CSMD3: variants seen among roughly 807,000 people sequenced by gnomAD.
CSMD3 encodes CUB and sushi domain-containing protein 3.
In CSMD3, 177 loss-of-function variants were observed where a neutral mutation model predicts 435.2. The observed-to-expected ratio is 0.41, with a 90% CI of 0.36 to 0.46. The LOEUF (loss-of-function observed/expected upper bound fraction) is 0.46. Among genes scored for constraint, CSMD3 ranks in the 20% least tolerant of loss-of-function variants. The pLI, the probability that CSMD3 is intolerant of heterozygous loss-of-function variation, is 0.34. For missense variants in CSMD3, 4,265 were observed against 4,504.6 expected (o/e 0.95, Z 1.52); for synonymous variants, 1,656 against 1,520.5 (o/e 1.09, Z -2.07).
Position 112,237,250 on chromosome 8 carries a change from C to A in CSMD3, c.10567G>T (p.Ala3523Ser). 6.2e-7 allele frequency: 1 copy of A among 1,613,494 alleles called. No individual in the cohort carries two copies. The highest frequency in any genetic ancestry group is 8.5e-7 in the Non-Finnish European group (1 of 1,179,544). The change falls in exon 67 of 71, where the codon GCT (alanine) becomes TCT (serine). Residue 3523 changes from alanine to serine, a missense_variant. Physicochemically the swap from Ala to Ser is moderately conservative, Grantham distance 99 (BLOSUM62 1). Coordinates refer to ENST00000297405, the MANE Select transcript of CSMD3 (RefSeq NM_198123.2). ...PMTLTVTSFN[A>S]STGRVNATLS... ...GTTGCGTTAACTCTCCCAGTGGAAGCATTGAAACTAGTAACTGTTAAGGTC... is the reference window on the plus strand; with the variant it reads ...GTTGCGTTAACTCTCCCAGTGGAAGAATTGAAACTAGTAACTGTTAAGGTC...
chr8:112,810,634 T>A (rs754551883), intron 12 of CSMD3, among the ~76,000 whole-genome samples: 6 of 152,182 alleles, frequency 3.9e-5, no homozygotes, highest in Non-Finnish European at 7.4e-5. Context: ...GTTCAATCTG[T>A]ACCCTTAAGA....
Position 112,543,251 on chromosome 8 carries a change from A to C in CSMD3, c.4564+7420T>G, listed in dbSNP as rs574024801. 7.9e-5 allele frequency among the ~76,000 whole-genome samples: 12 copies of C among 152,326 alleles called. No individual in the cohort carries two copies. In the East Asian group the frequency reaches 2.3e-3, roughly 29 times the overall value. On this transcript the variant is annotated intron_variant, in intron 27 of 70. Transcript: ENST00000297405. ...ATAGGTGACGAAAGCAAAAATAAAC[A>C]AGCAGGAATACATCCAACTTAAAAG...
Position 112,793,346 on chromosome 8 carries a change from CATTA to C in CSMD3, c.1972+6812_1972+6815del. Among the ~76,000 whole-genome samples, 2 of 151,236 alleles carry C rather than the reference CATTA, an allele frequency of 1.3e-5. 1 individual carries two copies. Among genetic ancestry groups the C allele is most frequent in the South Asian group, 4.2e-4 (2 of 4,814 alleles). On this transcript the variant is annotated intron_variant, in intron 13 of 70. Transcript: ENST00000297405. ...GCTGAAAAAAAAAGAGCATAGTGAACATTAATTAACTCACATATAACTGTTCCTT... is the reference window on the plus strand; with the variant it reads ...GCTGAAAAAAAAAGAGCATAGTGAACATTAACTCACATATAACTGTTCCTT...
At chr8:112,372,558 T>C (rs995673477) in intron 38 of CSMD3, among the ~76,000 whole-genome samples, 2 of 152,048 alleles carry the variant, frequency 1.3e-5, no homozygotes, top group Admixed American at 6.6e-5. Context: ...ATGATAAAAA[T>C]CAGCCTATCT....
intron 27 of CSMD3, chr8:112,539,370 A>C (rs979312188): frequency 6.6e-6 from 1 of 151,948 alleles, no homozygotes; most frequent in African/African-American, 2.4e-5. Flanking sequence ...TTTTTTATTT[A>C]AAAAAAAGTA....
intron 13 of CSMD3, among the ~76,000 whole-genome samples, chr8:112,710,255 T>G (rs2076583721): frequency 6.6e-6 from 1 of 152,148 alleles, no homozygotes; most frequent in South Asian, 2.1e-4. Context: ...CAAACAGTGG[T>G]GTCAAGTTCT....
intron 6 of CSMD3, among the ~76,000 whole-genome samples, chr8:112,976,577 A>G (rs1475418212): frequency 6.6e-6 from 1 of 152,096 alleles, no homozygotes; most frequent in Non-Finnish European, 1.5e-5. Flanking sequence ...GTTTCTGGGA[A>G]AAATATCAAA....
At chr8:112,648,379 A>G (rs1486262686) in intron 19 of CSMD3, among the ~76,000 whole-genome samples, 3 of 152,206 alleles carry the variant, frequency 2.0e-5, no homozygotes, top group Non-Finnish European at 2.9e-5. Context: ...AAATAGAAAT[A>G]CAAAAGAGGA....
chr8:112,845,092 A>G (rs1051383972), intron 11 of CSMD3, among the ~76,000 whole-genome samples: 1 of 152,014 alleles, frequency 6.6e-6, no homozygotes, highest in Non-Finnish European at 1.5e-5. Context: ...TGTTGGTAAG[A>G]ACCAGAGACA....
intron 35 of CSMD3, among the ~76,000 whole-genome samples, chr8:112,392,425 T>C (rs554535253): frequency 6.6e-6 from 1 of 152,014 alleles, no homozygotes; most frequent in Non-Finnish European, 1.5e-5. Flanking sequence ...GTAAATGGGT[T>C]ATATACAAAT....
chr8:112,281,528 G>A (rs980587101), intron 58 of CSMD3, among the ~76,000 whole-genome samples, 178 bp from the exon 59 acceptor site: 6 of 152,054 alleles, frequency 3.9e-5, no homozygotes, highest in African/African-American at 7.2e-5. Context: ...GATTTTATTC[G>A]CTTAATTACT....
At chr8:112,748,035 G>A (rs569723378) in intron 13 of CSMD3, among the ~76,000 whole-genome samples, 4 of 149,380 alleles carry the variant, frequency 2.7e-5, no homozygotes, top group East Asian at 4.0e-4. Context: ...TCTAGCTCTT[G>A]TTTTAAGCAA....
chr8:113,045,368 C>T (rs1451171931), intron 5 of CSMD3, among the ~76,000 whole-genome samples: 1 of 149,144 alleles, frequency 6.7e-6, no homozygotes, highest in African/African-American at 2.4e-5. Flanking sequence ...CAAAACGTCT[C>T]ACGTTATTGT....
At chr8:113,399,106 T>TATATATATATATATATACACACAC (rs773585004) in intron 1 of CSMD3, among the ~76,000 whole-genome samples, 22 of 95,086 alleles carry the variant, frequency 2.3e-4, no homozygotes, top group African/African-American at 4.1e-4. Context: ...TATATATATA[T>TATATATATATATATATACACACAC]ACACACACAC....
rs376353166 is a variant in CSMD3, at chr8:112,306,015, C to A, written c.8063G>T (p.Arg2688Leu). The A allele has an allele frequency of 6.2e-7, 1 of 1,613,266 alleles. No individual in the cohort carries two copies. The highest frequency in any genetic ancestry group is 1.1e-5 in the South Asian group (1 of 91,076). The change falls in exon 51 of 71, where the codon CGC (arginine) becomes CTC (leucine). Residue 2688 changes from arginine to leucine, a missense_variant. By Grantham distance (102) the Arg-to-Leu change is moderately radical. Transcript: ENST00000297405. ...TCCCTTGACACACATACCAACACAG[C>A]GAGGGGTCTTGTTATGATTGCTCCA... Reference protein sequence around the residue: ...GTWSNHNKTPRCVVVTCPSIN... With the variant: ...GTWSNHNKTPLCVVVTCPSIN...
chr8:113,252,025 A>G (rs372755742), intron 3 of CSMD3, among the ~76,000 whole-genome samples: 12 of 152,214 alleles, frequency 7.9e-5, no homozygotes, highest in Admixed American at 2.6e-4. Flanking sequence ...CACAGATACC[A>G]TAAGTGTAAT....
chr8:113,386,795 T>G (rs1253388620), intron 1 of CSMD3, among the ~76,000 whole-genome samples: 5 of 151,854 alleles, frequency 3.3e-5, no homozygotes, highest in African/African-American at 9.7e-5. Context: ...CCGAAAACAA[T>G]CAATTTGGAT....
At chr8:112,821,182 C>T (rs28830583) in intron 12 of CSMD3, among the ~76,000 whole-genome samples, 46,394 of 151,892 alleles carry the variant, frequency 0.31, 7,410 homozygotes, top group African/African-American at 0.36. Flanking sequence ...ATGAGATTGC[C>T]GGGTCAAATG....
intron 11 of CSMD3, among the ~76,000 whole-genome samples, chr8:112,845,947 C>T (rs1188972739): frequency 6.6e-6 from 1 of 151,748 alleles, no homozygotes; most frequent in Admixed American, 6.6e-5. Flanking sequence ...CTAGCAAAAG[C>T]CTGGAAACGT....
Sources: gnomAD v4.1 joint callset for allele counts (sites outside exome capture counted in the v4.1 genomes callset) on GRCh38, gnomAD v4.1.1 for gene constraint, MANE v1.5 for transcripts, NCBI Gene and HGNC (gene_info 2026-07-23, HGNC 2026-07-21) for gene names.